BRINP3: variants seen among roughly 807,000 people sequenced by gnomAD.
BRINP3 encodes the protein BMP/retinoic acid-inducible neural-specific protein 3.
Under a neutral mutation model 71.0 loss-of-function variants are expected in BRINP3, and 19 were observed. That is an observed-to-expected ratio of 0.27 (90% CI 0.19 to 0.39). The LOEUF (loss-of-function observed/expected upper bound fraction) is 0.39, where lower values mean the gene tolerates loss of function less well. BRINP3 is among the 10% of genes least tolerant of loss of function. The pLI is 1.00. For synonymous variants in BRINP3, 380 were observed against 337.7 expected, an observed-to-expected ratio of 1.13 and a Z score of -1.37; for missense variants, 959 against 940.8, an observed-to-expected ratio of 1.02 and a Z score of -0.25.
chr1:190,420,742 A>T lies in BRINP3; in HGVS notation c.236+33913T>A, dbSNP rs182703301. ...AAATCTTATACTTGAAAATTGAAGCATCACAAATTCTGTCACTTATCCAGG... is the reference window on the plus strand; with the variant it reads ...AAATCTTATACTTGAAAATTGAAGCTTCACAAATTCTGTCACTTATCCAGG... On this transcript the variant is annotated intron_variant, in intron 2 of 7. Transcript: ENST00000367462. 1.2e-4 allele frequency among the ~76,000 whole-genome samples: 18 copies of T among 152,084 alleles called. No homozygotes were observed. In the East Asian group the frequency reaches 3.5e-3, roughly 29 times the overall value.
At position 190,445,573 on chromosome 1, in the gene BRINP3, TCACACA is replaced by T. The variant is rs34406812; in HGVS notation, c.236+9076_236+9081del. Among the ~76,000 whole-genome samples, 74 of 148,892 alleles carry T rather than the reference TCACACA, an allele frequency of 5.0e-4. 1 individual carries two copies. Among genetic ancestry groups the T allele is most frequent in the Admixed American group, 2.8e-3 (42 of 14,834 alleles). ...ACACACGCACGTGCATAACACATAC[TCACACA>T]CACACACACACACACACCCTCAAGA... On this transcript the variant is annotated intron_variant, in intron 2 of 7. Transcript: ENST00000367462.
intron 2 of BRINP3, among the ~76,000 whole-genome samples, chr1:190,361,559 C>T (rs916443732): frequency 2.0e-5 from 3 of 151,946 alleles, no homozygotes; most frequent in East Asian, 1.9e-4. Flanking sequence ...CACATCACCA[C>T]GCCCAGCTAA....
intron 6 of BRINP3, among the ~76,000 whole-genome samples, chr1:190,179,637 T>C (rs1222742415): frequency 1.3e-5 from 2 of 152,166 alleles, no homozygotes; most frequent in Non-Finnish European, 1.5e-5. Flanking sequence ...AGCAGTCTAA[T>C]TAAAATTCTC....
At chr1:190,327,304 G>T in intron 2 of BRINP3, among the ~76,000 whole-genome samples, 1 of 114,418 alleles carries the variant, frequency 8.7e-6, no homozygotes, top group South Asian at 2.9e-4. Context: ...AACAGAGCGA[G>T]GCTCCATCTC....
intron 4 of BRINP3, among the ~76,000 whole-genome samples, chr1:190,247,707 T>G (rs1659736782): frequency 6.9e-6 from 1 of 144,648 alleles, no homozygotes; most frequent in Admixed American, 7.0e-5. Flanking sequence ...CAGGAATTCC[T>G]TTTTTCTTTT....
At chr1:190,161,889 A>G (rs1312742641) in intron 6 of BRINP3, among the ~76,000 whole-genome samples, 1 of 152,192 alleles carries the variant, frequency 6.6e-6, no homozygotes, top group East Asian at 1.9e-4. Flanking sequence ...CAGACACAAA[A>G]GGAAAAATAT....
chr1:190,411,206 G>A (rs185695298), intron 2 of BRINP3, among the ~76,000 whole-genome samples: 1 of 152,176 alleles, frequency 6.6e-6, no homozygotes, highest in Admixed American at 6.5e-5. Context: ...ACAGGAAAAG[G>A]ATGGTCTTAT....
At chr1:190,300,619 T>C (rs947669561) in intron 2 of BRINP3, among the ~76,000 whole-genome samples, 46 of 152,090 alleles carry the variant, frequency 3.0e-4, no homozygotes, top group Middle Eastern at 6.8e-3. Context: ...GTACCTGACC[T>C]CTGACCCCCG....
chr1:190,123,951 T>A (rs557972975), intron 7 of BRINP3, among the ~76,000 whole-genome samples: 132 of 152,290 alleles, frequency 8.7e-4, no homozygotes, highest in African/African-American at 3.1e-3. Context: ...AGACAAACTG[T>A]ATATTATCTG....
chr1:190,250,424 GTCATATTTTTAAAC>G (rs1197418538), intron 4 of BRINP3, among the ~76,000 whole-genome samples: 3 of 151,976 alleles, frequency 2.0e-5, no homozygotes, highest in Admixed American at 6.6e-5. Context: ...TAAATGGCAT[GTCATATTTTTAAAC>G]TCATTTTTAC....
At chr1:190,238,857 G>T (rs1011741417) in intron 4 of BRINP3, among the ~76,000 whole-genome samples, 1 of 152,104 alleles carries the variant, frequency 6.6e-6, no homozygotes, top group Admixed American at 6.6e-5. Context: ...CCAAACAGAA[G>T]GATATTACAT....
chr1:190,472,984 T>A (rs937086403), intron 1 of BRINP3, among the ~76,000 whole-genome samples: 5 of 151,840 alleles, frequency 3.3e-5, no homozygotes, highest in African/African-American at 9.7e-5. Flanking sequence ...AGATAAGATA[T>A]CCTATGAGAG....
In BRINP3 at chr1:190,117,803, A is replaced by G. The variant is rs187263084; in HGVS notation, c.1185-18669T>C. ...TTTAATTCTTAAAAATTAGGATTCAACAAGATTCTGCTCATTTCATCATGT... is the reference window on the plus strand; with the variant it reads ...TTTAATTCTTAAAAATTAGGATTCAGCAAGATTCTGCTCATTTCATCATGT... On this transcript the variant is annotated intron_variant, in intron 7 of 7. Transcript: ENST00000367462. Among the ~76,000 whole-genome samples the G allele has an allele frequency of 2.5e-3, 383 of 152,224 alleles. 2 individuals carry two copies. The highest frequency in any genetic ancestry group is 8.6e-3 in the African/African-American group (357 of 41,574).
At chr1:190,358,870 A>T (rs1187955395) in intron 2 of BRINP3, among the ~76,000 whole-genome samples, 5 of 152,146 alleles carry the variant, frequency 3.3e-5, no homozygotes, top group Admixed American at 3.3e-4. Context: ...AGGGACATGG[A>T]TGCAGCTGGA....
At chr1:190,367,673 C>T (rs1669596753) in intron 2 of BRINP3, among the ~76,000 whole-genome samples, 1 of 152,130 alleles carries the variant, frequency 6.6e-6, no homozygotes, top group South Asian at 2.1e-4. Flanking sequence ...GAAATTTCTT[C>T]CACCAAATAC....
rs76085573 is a variant in BRINP3 at position 190,444,678 on chromosome 1, G to A, written c.236+9977C>T. 1.0e-2 allele frequency among the ~76,000 whole-genome samples: 1,516 copies of A among 152,124 alleles called. 26 individuals are homozygous for A. Among genetic ancestry groups the A allele is most frequent in the African/African-American group, 0.034 (1,422 of 41,492 alleles). ...GCCTCCTGAGTACCTGGGATTTACA[G>A]GCGCGCACCAGTATGCTCAGCTGAT... is the stretch of plus-strand genomic sequence containing the variant. On this transcript the variant is annotated intron_variant, in intron 2 of 7. Coordinates refer to ENST00000367462, the MANE Select transcript of BRINP3 (RefSeq NM_199051.3).
intron 1 of BRINP3, among the ~76,000 whole-genome samples, chr1:190,463,150 G>A (rs868273763): frequency 4.0e-5 from 6 of 151,716 alleles, no homozygotes; most frequent in Non-Finnish European, 5.9e-5. Context: ...TAATCCAGTA[G>A]GCTTTGATTA....
chr1:190,229,439 T>G (rs1657727073), intron 5 of BRINP3, among the ~76,000 whole-genome samples: 1 of 152,018 alleles, frequency 6.6e-6, no homozygotes, highest in Non-Finnish European at 1.5e-5. Context: ...ATTAAACCTA[T>G]TCTCTTTAGA....
Position 190,281,653 on chromosome 1 carries a change from T to G in BRINP3, c.334A>C (p.Arg112=), listed in dbSNP as rs1482921481. 6.2e-7 allele frequency: 1 copy of G among 1,612,926 alleles called. No homozygotes were observed. The highest frequency in any genetic ancestry group is 8.5e-7 in the Non-Finnish European group (1 of 1,179,386). Residue 112 remains arginine (R), a synonymous_variant, in exon 3 of 8, where the codon AGA becomes CGA. Coordinates refer to ENST00000367462, the MANE Select transcript of BRINP3 (RefSeq NM_199051.3). ...AGGGTAGGTCGACGTCCCAAAAGTCTTATGTTGCGGAAGAATTCAGGGGCA... is the reference window on the plus strand; with the variant it reads ...AGGGTAGGTCGACGTCCCAAAAGTCGTATGTTGCGGAAGAATTCAGGGGCA... ...PLAPEFFRNI[R]LLGRRPTLQQ...
Sources: gnomAD v4.1 joint callset for allele counts (sites outside exome capture counted in the v4.1 genomes callset) on GRCh38, gnomAD v4.1.1 for gene constraint, MANE v1.5 for transcripts, NCBI Gene and HGNC (gene_info 2026-07-23, HGNC 2026-07-21) for gene names.